Variants in GRM1 observed in about 807,000 individuals in gnomAD.
GRM1 encodes metabotropic glutamate receptor 1.
GRM1 carries 33 observed loss-of-function variants against 90.9 expected under a neutral mutation model. The ratio of observed to expected loss-of-function variants is 0.36; its 90% CI spans 0.28 to 0.49. The LOEUF (loss-of-function observed/expected upper bound fraction) is 0.49. GRM1 is among the 20% of genes least tolerant of loss of function. The pLI, the probability that GRM1 is intolerant of heterozygous loss-of-function variation, is 0.99. For synonymous variants in GRM1, 700 were observed against 613.2 expected, an observed-to-expected ratio of 1.14 and a Z score of -2.09; for missense variants, 1,190 against 1,534.3, an observed-to-expected ratio of 0.78 and a Z score of 3.75.
chr6:146,050,489 G>A (rs1791486423), intron 1 of GRM1, among the ~76,000 whole-genome samples: 1 of 151,968 alleles, frequency 6.6e-6, no homozygotes, highest in Non-Finnish European at 1.5e-5. Context: ...AAAAAGACAT[G>A]CCTTCTTTTC....
chr6:146,246,629 C>G (rs1017712883), intron 2 of GRM1, among the ~76,000 whole-genome samples: 1 of 152,194 alleles, frequency 6.6e-6, no homozygotes, highest in Non-Finnish European at 1.5e-5. Context: ...TGTTTCATAT[C>G]TGCTATTTCT....
chr6:146,072,871 G>A (rs913811948), intron 1 of GRM1, among the ~76,000 whole-genome samples: 1 of 152,088 alleles, frequency 6.6e-6, no homozygotes, highest in African/African-American at 2.4e-5. Context: ...TGTGCTATAT[G>A]CTAGGTGCCT....
intron 3 of GRM1, among the ~76,000 whole-genome samples, chr6:146,325,580 T>C (rs1784374142): frequency 6.6e-6 from 1 of 152,204 alleles, no homozygotes; most frequent in African/African-American, 2.4e-5. Context: ...TTTCCAAGTC[T>C]ACATGTGCAG....
intron 2 of GRM1, among the ~76,000 whole-genome samples, chr6:146,169,201 T>A (rs542476994): frequency 3.1e-4 from 47 of 152,300 alleles, no homozygotes; most frequent in African/African-American, 1.1e-3. Flanking sequence ...CAACATCTAA[T>A]CTGCCGTTAA....
chr6:146,251,041 G>T (rs1418024503), intron 2 of GRM1, among the ~76,000 whole-genome samples: 4 of 152,118 alleles, frequency 2.6e-5, no homozygotes, highest in Non-Finnish European at 4.4e-5. Context: ...TGAAGTTCTG[G>T]TTTTAGTTTC....
At chr6:146,347,961 G>A (rs532663760) in intron 3 of GRM1, among the ~76,000 whole-genome samples, 2 of 152,276 alleles carry the variant, frequency 1.3e-5, no homozygotes, top group East Asian at 1.9e-4. Context: ...TAGAACCAAG[G>A]CAGCTATTTT....
intron 1 of GRM1, among the ~76,000 whole-genome samples, chr6:146,062,013 A>G (rs756877269): frequency 6.6e-6 from 1 of 152,190 alleles, no homozygotes; most frequent in South Asian, 2.1e-4. Context: ...CCAAAGGATT[A>G]TAAGTCATTT....
chr6:146,263,414 G>A (rs980847894), intron 2 of GRM1, among the ~76,000 whole-genome samples: 3 of 151,976 alleles, frequency 2.0e-5, no homozygotes, highest in Non-Finnish European at 2.9e-5. Flanking sequence ...CAAACATAGT[G>A]CTATTATTCT....
intron 2 of GRM1, among the ~76,000 whole-genome samples, chr6:146,163,064 A>G (rs1309256955): frequency 6.6e-6 from 1 of 152,156 alleles, no homozygotes; most frequent in Non-Finnish European, 1.5e-5. Flanking sequence ...TTATTCATTA[A>G]TTTGGGCTGA....
chr6:146,333,448 G>T (rs1013058234), intron 3 of GRM1, among the ~76,000 whole-genome samples: 3 of 152,072 alleles, frequency 2.0e-5, no homozygotes, highest in African/African-American at 7.2e-5. Context: ...TAAAATCCTT[G>T]TTCTTCAGGC....
chr6:146,079,667 T>G (rs1260628382), intron 1 of GRM1, among the ~76,000 whole-genome samples: 1 of 152,164 alleles, frequency 6.6e-6, no homozygotes, highest in African/African-American at 2.4e-5. Flanking sequence ...GAGCAAGTAC[T>G]CCAAGGTATT....
chr6:146,290,519 C>A (rs1217498420), intron 2 of GRM1, among the ~76,000 whole-genome samples: 1 of 152,178 alleles, frequency 6.6e-6, no homozygotes, highest in Non-Finnish European at 1.5e-5. Flanking sequence ...AGTCTCATGA[C>A]CAGAGGGCAG....
intron 2 of GRM1, among the ~76,000 whole-genome samples, chr6:146,228,569 G>A (rs1780333436): frequency 6.6e-6 from 1 of 152,082 alleles, no homozygotes; most frequent in African/African-American, 2.4e-5. Flanking sequence ...ATAGCAACCG[G>A]GAACCTAGGT....
chr6:146,086,240 A>G (rs1029768646), intron 1 of GRM1, among the ~76,000 whole-genome samples: 2 of 152,164 alleles, frequency 1.3e-5, no homozygotes, highest in African/African-American at 4.8e-5. Context: ...ACCTATGGTG[A>G]TAGCTATACA....
chr6:146,278,907 G>A (rs1327846077), intron 2 of GRM1, among the ~76,000 whole-genome samples: 5 of 152,196 alleles, frequency 3.3e-5, no homozygotes, highest in African/African-American at 9.6e-5. Context: ...GGGTTTCACC[G>A]TGTTAGTCAG....
At chr6:146,115,221 TACAC>T (rs67497002) in intron 1 of GRM1, among the ~76,000 whole-genome samples, 488 of 148,622 alleles carry the variant, frequency 3.3e-3, no homozygotes, top group Middle Eastern at 6.9e-3. Context: ...ATTAAATGCA[TACAC>T]ACACACACAC....
intron 1 of GRM1, among the ~76,000 whole-genome samples, chr6:146,135,749 G>C (rs1213243957): frequency 6.6e-6 from 1 of 152,062 alleles, no homozygotes; most frequent in Non-Finnish European, 1.5e-5. Context: ...AGGGTAAATG[G>C]GGTATCCATC....
At chr6:146,065,896 T>G (rs1364855630) in intron 1 of GRM1, among the ~76,000 whole-genome samples, 1 of 151,876 alleles carries the variant, frequency 6.6e-6, no homozygotes, top group Non-Finnish European at 1.5e-5. Context: ...TGTGGTTGTA[T>G]AAGTTCAGAA....
intron 2 of GRM1, among the ~76,000 whole-genome samples, chr6:146,187,962 T>C (rs1778795944): frequency 6.6e-6 from 1 of 152,144 alleles, no homozygotes; most frequent in Non-Finnish European, 1.5e-5. Context: ...AAAAACTGAA[T>C]ATCCAGTTGG....
Sources: allele counts gnomAD v4.1 joint callset (sites outside exome capture counted in the v4.1 genomes callset), GRCh38; gene constraint gnomAD v4.1.1; transcripts MANE v1.5; gene names NCBI Gene and HGNC (gene_info 2026-07-23, HGNC 2026-07-21).